NAALADL2: variants seen among roughly 807,000 people sequenced by gnomAD.
NAALADL2 encodes the protein N-acetylated alpha-linked acidic dipeptidase like 2.
NAALADL2 carries 76 observed loss-of-function variants against 87.2 expected under a neutral mutation model. The ratio of observed to expected loss-of-function variants is 0.87; its 90% CI spans 0.72 to 1.05. The LOEUF (loss-of-function observed/expected upper bound fraction) is 1.05, where lower values mean the gene tolerates loss of function less well. Ranked by LOEUF, NAALADL2 falls within the 50% of genes least tolerant of loss-of-function variation. The pLI, the probability that NAALADL2 is intolerant of heterozygous loss-of-function variation, is 0.00. For synonymous variants in NAALADL2, 354 were observed against 331.0 expected, an observed-to-expected ratio of 1.07 and a Z score of -0.75; for missense variants, 1,089 against 945.8, an observed-to-expected ratio of 1.15 and a Z score of -1.99.
chr3:175,081,566 G>T (rs767975640), intron 1 of NAALADL2, among the ~76,000 whole-genome samples: 19 of 152,142 alleles, frequency 1.2e-4, no homozygotes, highest in Middle Eastern at 3.4e-3. Context: ...TTTCCTACTG[G>T]CCTCTAATAT....
At position 175,394,612 on chromosome 3, in the gene NAALADL2, A is replaced by G. The variant is rs149303010; in HGVS notation, c.1091-52617A>G. ...GATTTAGACACAAATCTGTAAACTGACAGTTGTGTTTTTTATGTTTTTGAT... is the reference window on the plus strand; with the variant it reads ...GATTTAGACACAAATCTGTAAACTGGCAGTTGTGTTTTTTATGTTTTTGAT... On this transcript the variant is annotated intron_variant, in intron 5 of 13. Coordinates refer to ENST00000454872, the MANE Select transcript of NAALADL2 (RefSeq NM_207015.3). Among the ~76,000 whole-genome samples the G allele has an allele frequency of 2.6e-3, 395 of 152,272 alleles. 2 individuals carry two copies. Among genetic ancestry groups the G allele is most frequent in the African/African-American group, 9.2e-3 (383 of 41,542 alleles).
At chr3:175,604,644 AT>A (rs1723442448) in intron 10 of NAALADL2, among the ~76,000 whole-genome samples, 1 of 152,072 alleles carries the variant, frequency 6.6e-6, no homozygotes, top group African/African-American at 2.4e-5. Flanking sequence ...TACTGTTTTA[AT>A]AAAATAGTCC....
intron 1 of NAALADL2, among the ~76,000 whole-genome samples, chr3:174,924,510 C>G (rs1333204914): frequency 6.6e-6 from 1 of 151,876 alleles, no homozygotes; most frequent in Non-Finnish European, 1.5e-5. Flanking sequence ...TGAATAGTGC[C>G]GCAATAAACA....
At chr3:175,470,458 C>T (rs1724693466) in intron 8 of NAALADL2, among the ~76,000 whole-genome samples, 1 of 151,834 alleles carries the variant, frequency 6.6e-6, no homozygotes, top group Admixed American at 6.6e-5. Flanking sequence ...TCACTTTGTA[C>T]TCCATAAAAT....
At chr3:175,336,539 A>G (rs1022577212) in intron 5 of NAALADL2, among the ~76,000 whole-genome samples, 1 of 152,218 alleles carries the variant, frequency 6.6e-6, no homozygotes, top group African/African-American at 2.4e-5. Context: ...TAATACAGAA[A>G]GTAGGAAAGG....
At chr3:175,655,441 G>C (rs189684709) in intron 11 of NAALADL2, 3 of 334,066 alleles carry the variant, frequency 9.0e-6, no homozygotes, top group South Asian at 7.1e-5. Context: ...CAAACAATGC[G>C]TTATTATTAT....
At chr3:174,749,502 AG>A (rs746608023) in intron 3 of NAALADL2, among the ~76,000 whole-genome samples, 49 of 131,906 alleles carry the variant, frequency 3.7e-4, no homozygotes, top group Middle Eastern at 3.8e-3. Flanking sequence ...GATAGTAGTT[AG>A]GAAAAAAAAA....
At chr3:175,149,078 T>A (rs1317690774) in intron 2 of NAALADL2, among the ~76,000 whole-genome samples, 1 of 152,222 alleles carries the variant, frequency 6.6e-6, no homozygotes, top group Non-Finnish European at 1.5e-5. Context: ...TTCCTATGCA[T>A]GAGCCCACAG....
At chr3:174,758,524 G>A (rs6778906) in intron 3 of NAALADL2, among the ~76,000 whole-genome samples, 21,641 of 152,164 alleles carry the variant, frequency 0.14, 2,130 homozygotes, top group East Asian at 0.28. Flanking sequence ...ATGCAGAAGT[G>A]TTTGAGGGGA....
At chr3:174,535,859 TTTTC>T (rs1278265353) in intron 1 of NAALADL2, among the ~76,000 whole-genome samples, 1 of 152,244 alleles carries the variant, frequency 6.6e-6, no homozygotes, top group South Asian at 2.1e-4. Flanking sequence ...TTTACTTTTT[TTTTC>T]TTTCTTTAAG....
intron 11 of NAALADL2, among the ~76,000 whole-genome samples, chr3:175,716,458 A>G (rs1019290582): frequency 5.3e-5 from 8 of 151,754 alleles, no homozygotes; most frequent in Admixed American, 1.3e-4. Flanking sequence ...GGAAGTCGAG[A>G]GAAATTCTAT....
intron 1 of NAALADL2, among the ~76,000 whole-genome samples, chr3:175,006,722 A>G (rs1749075538): frequency 6.6e-6 from 1 of 151,994 alleles, no homozygotes; most frequent in Admixed American, 6.6e-5. Context: ...AGTCAGTTGA[A>G]CAGATATTTT....
chr3:174,733,406 C>A (rs1250364615), intron 2 of NAALADL2, among the ~76,000 whole-genome samples: 1 of 152,192 alleles, frequency 6.6e-6, no homozygotes, highest in African/African-American at 2.4e-5. Flanking sequence ...CAAAAGATGA[C>A]ATGACTTTTC....
At chr3:174,945,925 G>A (rs562469275) in intron 1 of NAALADL2, among the ~76,000 whole-genome samples, 3 of 151,396 alleles carry the variant, frequency 2.0e-5, no homozygotes, top group South Asian at 2.1e-4. Context: ...ATGCACCTGC[G>A]GTCCCAGCTG....
At chr3:175,504,556 TCTCTCTGTTTCTCTCTCTCTCTC>T (rs1730000651) in intron 9 of NAALADL2, among the ~76,000 whole-genome samples, 1 of 130,372 alleles carries the variant, frequency 7.7e-6, no homozygotes, top group African/African-American at 2.9e-5. Context: ...TCTCTCTGTC[TCTCTCTGTTTCTCTCTCTCTCTC>T]TCTCTCTCTC....
intron 1 of NAALADL2, among the ~76,000 whole-genome samples, chr3:174,506,456 C>T (rs1719211687): frequency 6.6e-6 from 1 of 152,158 alleles, no homozygotes; most frequent in Non-Finnish European, 1.5e-5. Context: ...GCTAGGATTA[C>T]AGGCGTGAAC....
At chr3:175,786,731 C>T (rs566091716) in intron 13 of NAALADL2, among the ~76,000 whole-genome samples, 13 of 152,274 alleles carry the variant, frequency 8.5e-5, no homozygotes, top group East Asian at 1.9e-4. Context: ...AGCTTTGTTC[C>T]GTTGCTGGTG....
chr3:175,781,009 T>C (rs1750982426), intron 13 of NAALADL2, among the ~76,000 whole-genome samples: 1 of 152,216 alleles, frequency 6.6e-6, no homozygotes, highest in African/African-American at 2.4e-5. Context: ...GGTATTCAGC[T>C]TACATTTTTC....
chr3:175,610,779 C>T (rs1265276494), intron 10 of NAALADL2, among the ~76,000 whole-genome samples: 1 of 151,962 alleles, frequency 6.6e-6, no homozygotes, highest in Non-Finnish European at 1.5e-5. Flanking sequence ...TAATAAGATC[C>T]ACTAATATAA....
Sources: allele counts gnomAD v4.1 joint callset (sites outside exome capture counted in the v4.1 genomes callset), GRCh38; gene constraint gnomAD v4.1.1; transcripts MANE v1.5; gene names NCBI Gene and HGNC (gene_info 2026-07-23, HGNC 2026-07-21).